DIAPH2: variants seen among roughly 807,000 people sequenced by gnomAD.
DIAPH2 encodes diaphanous related formin 2.
Under a neutral mutation model 92.7 loss-of-function variants are expected in DIAPH2, and 35 were observed. That is an observed-to-expected ratio of 0.38 (90% CI 0.29 to 0.50). The LOEUF is 0.50. Ranked by LOEUF, DIAPH2 falls within the 20% of genes least tolerant of loss-of-function variation. The probability of loss-of-function intolerance (pLI) is 0.94; values close to 1 mark genes in which losing one functional copy is unlikely to be tolerated. For missense variants in DIAPH2, 701 were observed against 819.5 expected, an observed-to-expected ratio of 0.86 and a Z score of 1.77; for synonymous variants, 301 against 280.4, an observed-to-expected ratio of 1.07 and a Z score of -0.73.
chrX:97,491,318 C>T (rs1602624933), intron 26 of DIAPH2, among the ~76,000 whole-genome samples: 2 of 112,131 alleles, frequency 1.8e-5, no homozygotes, highest in Non-Finnish European at 3.8e-5. Context: ...AGTGTTGTCT[C>T]TTATAGGTAG....
chrX:97,327,907 C>T (rs1447548716), intron 23 of DIAPH2, among the ~76,000 whole-genome samples: 3 of 112,402 alleles, frequency 2.7e-5, no homozygotes, highest in African/African-American at 9.7e-5. Context: ...TCCAAGTTGA[C>T]ATTTCCCTGA....
At chrX:96,787,735 G>A in intron 4 of DIAPH2, among the ~76,000 whole-genome samples, 1 of 87,476 alleles carries the variant, frequency 1.1e-5, no homozygotes, top group East Asian at 4.0e-4. Context: ...CTGTCCCTCA[G>A]ACTGGAGTAC....
chrX:96,993,173 T>A (rs1315780145), intron 17 of DIAPH2, among the ~76,000 whole-genome samples: 2 of 112,312 alleles, frequency 1.8e-5, no homozygotes, highest in Non-Finnish European at 3.8e-5. Flanking sequence ...AATTACTTCT[T>A]GTCATAGGAT....
chrX:97,109,425 A>C (rs2066964371), intron 20 of DIAPH2, among the ~76,000 whole-genome samples: 1 of 111,567 alleles, frequency 9.0e-6, no homozygotes. Flanking sequence ...CTGTCTCTAA[A>C]AAGTAAAGTG....
At chrX:97,345,462 G>A (rs1306745077) in intron 23 of DIAPH2, among the ~76,000 whole-genome samples, 1 of 111,815 alleles carries the variant, frequency 8.9e-6, no homozygotes, top group Non-Finnish European at 1.9e-5. Context: ...CTAGAGCTGT[G>A]TTCCCATGGA....
chrX:97,524,645 G>T (rs1385177763), intron 26 of DIAPH2, among the ~76,000 whole-genome samples: 1 of 111,726 alleles, frequency 9.0e-6, no homozygotes, highest in Non-Finnish European at 1.9e-5. Flanking sequence ...CCATAGTTGT[G>T]GATTTCTCTA....
intron 1 of DIAPH2, among the ~76,000 whole-genome samples, chrX:96,731,230 C>T (rs1260886783): frequency 4.5e-5 from 5 of 110,856 alleles, no homozygotes; most frequent in African/African-American, 6.6e-5. Context: ...GGTCCAGAGG[C>T]CTGACAAACA....
chrX:97,052,358 G>A (rs986712807), intron 17 of DIAPH2, among the ~76,000 whole-genome samples: 13 of 110,999 alleles, frequency 1.2e-4, no homozygotes, highest in Admixed American at 1.1e-3. Context: ...GCAATAGTAG[G>A]TATATAACAT....
intron 24 of DIAPH2, among the ~76,000 whole-genome samples, chrX:97,365,170 AC>A (rs2069368144): frequency 9.0e-6 from 1 of 111,140 alleles, no homozygotes; most frequent in African/African-American, 3.3e-5. Context: ...TCAGAATCTT[AC>A]CAAAGCACCG....
chrX:96,799,195 C>A (rs2064562900), intron 4 of DIAPH2, among the ~76,000 whole-genome samples: 2 of 111,189 alleles, frequency 1.8e-5, no homozygotes, highest in Admixed American at 1.9e-4. Context: ...TTGTCCCCTC[C>A]CTGCACTGTA....
intron 25 of DIAPH2, among the ~76,000 whole-genome samples, chrX:97,417,399 TACACACACAC>T (rs751129969): frequency 9.9e-6 from 1 of 101,103 alleles, no homozygotes; most frequent in Non-Finnish European, 2.0e-5. Flanking sequence ...CACACACACA[TACACACACAC>T]ACACACGAGA....
At chrX:97,211,572 C>T (rs2147505784) in intron 22 of DIAPH2, among the ~76,000 whole-genome samples, 1 of 111,239 alleles carries the variant, frequency 9.0e-6, no homozygotes, top group East Asian at 2.8e-4. Context: ...TTTTTTGATG[C>T]TTCCTTAGGT....
At chrX:97,208,810 AG>A (rs2067817382) in intron 22 of DIAPH2, among the ~76,000 whole-genome samples, 1 of 111,206 alleles carries the variant, frequency 9.0e-6, no homozygotes, top group Non-Finnish European at 1.9e-5. Flanking sequence ...AACAACATTA[AG>A]GCAACAAAAG....
Position 96,819,209 on chromosome X carries a change from C to A in DIAPH2, c.447+60951C>A, listed in dbSNP as rs759946235. ...TTATTGTGTTTTTTGTATGAAAACTCCTATGAGCCCTTTTATTTGGTTCTA... is the reference window on the plus strand; with the variant it reads ...TTATTGTGTTTTTTGTATGAAAACTACTATGAGCCCTTTTATTTGGTTCTA... On this transcript the variant is annotated intron_variant, in intron 4 of 26. Coordinates refer to ENST00000324765, the MANE Select transcript of DIAPH2 (RefSeq NM_006729.5). Among the ~76,000 whole-genome samples, 16 of 112,071 alleles carry A rather than the reference C, an allele frequency of 1.4e-4. No homozygotes were observed. The South Asian group carries it at 6.0e-3, about 42-fold the overall frequency.
At chrX:96,731,501 A>G (rs2064055374) in intron 1 of DIAPH2, among the ~76,000 whole-genome samples, 1 of 112,002 alleles carries the variant, frequency 8.9e-6, no homozygotes, top group South Asian at 3.8e-4. Flanking sequence ...GTAGTAGAGT[A>G]ATTGCACGAT....
At chrX:96,885,685 A>G (rs1462952250) in intron 5 of DIAPH2, among the ~76,000 whole-genome samples, 4 of 109,943 alleles carry the variant, frequency 3.6e-5, no homozygotes, top group Non-Finnish European at 5.7e-5. Context: ...AAATAAGATT[A>G]TACTGTGTTT....
At chrX:97,508,458 A>G (rs2070853192) in intron 26 of DIAPH2, among the ~76,000 whole-genome samples, 1 of 112,647 alleles carries the variant, frequency 8.9e-6, no homozygotes, top group African/African-American at 3.2e-5. Flanking sequence ...CTTTGTCAAG[A>G]CTAATGAGAT....
intron 4 of DIAPH2, among the ~76,000 whole-genome samples, chrX:96,794,462 T>A: frequency 9.1e-6 from 1 of 109,410 alleles, no homozygotes; most frequent in African/African-American, 3.3e-5. Context: ...GCCCAGACCA[T>A]TTCAACTCCG....
intron 4 of DIAPH2, among the ~76,000 whole-genome samples, chrX:96,859,009 T>C (rs1420013374): frequency 1.8e-5 from 2 of 111,930 alleles, no homozygotes; most frequent in Admixed American, 9.5e-5. Context: ...CATGTTCCAA[T>C]TGAAGGTTTG....
Sources: gnomAD v4.1 joint callset for allele counts (sites outside exome capture counted in the v4.1 genomes callset) on GRCh38, gnomAD v4.1.1 for gene constraint, MANE v1.5 for transcripts, NCBI Gene and HGNC (gene_info 2026-07-23, HGNC 2026-07-21) for gene names.